The following PCDH19 variants were observed in gnomAD, a reference collection of about 807,000 sequenced individuals.
The protein encoded by PCDH19 is protocadherin 19.
In PCDH19, 6 loss-of-function variants were observed where a neutral mutation model predicts 46.2. That is an observed-to-expected ratio of 0.13 (90% confidence interval 0.07 to 0.26). The LOEUF is 0.26. Among genes scored for constraint, PCDH19 ranks in the 10% least tolerant of loss-of-function variants. The probability of loss-of-function intolerance (pLI) is 1.00; values close to 1 mark genes in which losing one functional copy is unlikely to be tolerated. For missense variants in PCDH19, 740 were observed against 972.3 expected, an observed-to-expected ratio of 0.76 and a Z score of 3.18; for synonymous variants, 481 against 415.7, an observed-to-expected ratio of 1.16 and a Z score of -1.91.
At chrX:100,322,832 A>AGTGTAT (rs1307266427) in intron 5 of PCDH19, among the ~76,000 whole-genome samples, 1 of 30,128 alleles carries the variant, frequency 3.3e-5, no homozygotes, top group Non-Finnish European at 4.9e-5. Context: ...TATATTCCTA[A>AGTGTAT]GTATATATAT....
At chrX:100,405,669 T>C (rs1359777046) in intron 1 of PCDH19, among the ~76,000 whole-genome samples, 2 of 105,463 alleles carry the variant, frequency 1.9e-5, no homozygotes, top group African/African-American at 7.0e-5. Context: ...CAGATCTTAA[T>C]GCCACAACAC....
At chrX:100,297,070 T>G (rs926377441) in intron 5 of PCDH19, among the ~76,000 whole-genome samples, 195 bp from the exon 6 acceptor site, 1 of 110,879 alleles carries the variant, frequency 9.0e-6, no homozygotes, top group Admixed American at 9.6e-5. Flanking sequence ...TCTATGTATA[T>G]CCTTTTTAAG....
In PCDH19 at chrX:100,406,880, G is replaced by C. The variant is rs1475073138; in HGVS notation, c.1718C>G (p.Ala573Gly). The C allele has an allele frequency of 1.7e-6, 2 of 1,210,022 alleles. No homozygotes were observed. Among genetic ancestry groups the C allele is most frequent in the African/African-American group, 1.7e-5 (1 of 57,154 alleles). ...ITAPPLINGT[A>G]EVYIPRNSGI... ...AGAGTTGCGGGGTATGTAGACCTCG[G>C]CAGTGCCGTTAATCAGAGGTGGGGC... is the stretch of plus-strand genomic sequence containing the variant. Residue 573 changes from alanine (A) to glycine (G), a missense_variant, in exon 1 of 6, where the codon GCC (alanine) becomes GGC (glycine). Ala to Gly is a moderately conservative substitution (Grantham distance 60). Transcript: ENST00000373034.
Position 100,402,754 on chromosome X carries a change from TCTC to T in PCDH19, c.2383_2385del (p.Glu795del), listed in dbSNP as rs755231220. The T allele has an allele frequency of 6.6e-6, 8 of 1,209,048 alleles. No individual in the cohort carries two copies. In the South Asian group the frequency reaches 1.4e-4, roughly 21 times the overall value. ...CAACTGACAACGTTCATCTTGTCTG[TCTC>T]CTCCACATCCCGGGGTACCAGGCGG... On this transcript the variant is annotated inframe_deletion, in exon 3 of 6. Transcript: ENST00000373034.
intron 3 of PCDH19, among the ~76,000 whole-genome samples, chrX:100,373,180 T>C (rs1927276178): frequency 8.9e-6 from 1 of 112,593 alleles, no homozygotes; most frequent in Non-Finnish European, 1.9e-5. Flanking sequence ...AGCTAATTTT[T>C]GTATTTTTAG....
intron 5 of PCDH19, among the ~76,000 whole-genome samples, chrX:100,310,063 A>C (rs1298811076): frequency 8.9e-6 from 1 of 112,290 alleles, no homozygotes; most frequent in East Asian, 2.8e-4. Context: ...AAATAGATTA[A>C]AAAGATGCCC....
In PCDH19 at chrX:100,294,311, GCCACAC is replaced by G. The variant is rs910786329; in HGVS notation, c.*1960_*1965del. The G allele has an allele frequency of 4.5e-5, 5 of 111,642 alleles. No individual in the cohort carries two copies. The highest frequency in any genetic ancestry group is 1.6e-4 in the African/African-American group (5 of 30,670). 9.2% of individuals were successfully genotyped at this position (111,642 alleles called of 1,213,427 possible). On this transcript the variant is annotated 3_prime_UTR_variant, in exon 6 of 6. Transcript: ENST00000373034. ...TGTCAGCTTCAGAGGGAAATTTGCAGCCACACCAATATTTTGCATGAGGTAGTATTC... is the reference window on the plus strand; with the variant it reads ...TGTCAGCTTCAGAGGGAAATTTGCAGCAATATTTTGCATGAGGTAGTATTC...
rs1313459747 is a variant in PCDH19, at chrX:100,292,685, C to T, written c.*3592G>A. ...TAAAGAACAACATCTCAATACACTT[C>T]AGTGTCAGCAGATACAATTTGACTC... is the stretch of plus-strand genomic sequence containing the variant. On this transcript the variant is annotated 3_prime_UTR_variant, in exon 6 of 6. Coordinates refer to ENST00000373034, the MANE Select transcript of PCDH19 (RefSeq NM_001184880.2). 1 of 112,027 alleles carries T rather than the reference C, an allele frequency of 8.9e-6. No homozygotes were observed. Among genetic ancestry groups the T allele is most frequent in the Non-Finnish European group, 1.9e-5 (1 of 53,185 alleles). The allele number at this position is 112,027 out of a possible 1,213,427, so 9.2% of individuals were successfully genotyped here.
rs188856854 is a variant in PCDH19 at position 100,299,937 on chromosome X, T to C, written c.2849-3062A>G. ...GGCTTGGATCTGATACCTATATTTT[T>C]TTTAAGTCCTTACCAAGGGCACTGA... On this transcript the variant is annotated intron_variant, in intron 5 of 5. Coordinates refer to ENST00000373034, the MANE Select transcript of PCDH19 (RefSeq NM_001184880.2). Among the ~76,000 whole-genome samples, 35 of 112,677 alleles carry C rather than the reference T, an allele frequency of 3.1e-4. 2 individuals are homozygous for C. The East Asian group carries it at 8.1e-3, about 26-fold the overall frequency.
Position 100,371,682 on chromosome X carries a change from TTTATTTTGTTTA to T in PCDH19, c.2617-20990_2617-20979del, listed in dbSNP as rs1417863477. Among the ~76,000 whole-genome samples the T allele has an allele frequency of 3.6e-5, 4 of 111,207 alleles. 1 individual carries two copies. Among genetic ancestry groups the T allele is most frequent in the African/African-American group, 1.3e-4 (4 of 30,529 alleles). On this transcript the variant is annotated intron_variant, in intron 3 of 5. Coordinates refer to ENST00000373034, the MANE Select transcript of PCDH19 (RefSeq NM_001184880.2). ...TCTAAAATACCATACATTTCACATATTTATTTTGTTTATTATCTCTCTTCCCCTGCTAGAATG... is the reference window on the plus strand; with the variant it reads ...TCTAAAATACCATACATTTCACATATTTATCTCTCTTCCCCTGCTAGAATG...
intron 5 of PCDH19, 75 bp downstream of exon 5, chrX:100,341,828 G>C (rs1926256688): frequency 2.2e-6 from 2 of 919,592 alleles, no homozygotes; most frequent in Non-Finnish European, 3.2e-6. Context: ...ATTAAGCAAA[G>C]TAGTATAGTG....
chrX:100,363,671 AAT>A (rs1392349394), intron 3 of PCDH19, among the ~76,000 whole-genome samples: 1 of 99,615 alleles, frequency 1.0e-5, no homozygotes, highest in East Asian at 3.0e-4. Flanking sequence ...GTACATGATA[AAT>A]ATATATAAAA....
chrX:100,330,399 T>C (rs770608446), intron 5 of PCDH19, among the ~76,000 whole-genome samples: 1 of 112,115 alleles, frequency 8.9e-6, no homozygotes, highest in Non-Finnish European at 1.9e-5. Flanking sequence ...AGAGAATATA[T>C]GAGCTTAGAG....
intron 5 of PCDH19, among the ~76,000 whole-genome samples, chrX:100,332,978 G>A (rs952868170): frequency 3.8e-5 from 4 of 105,937 alleles, no homozygotes; most frequent in Non-Finnish European, 7.7e-5. Flanking sequence ...GTCCAGCCTG[G>A]GTGACAGAGT....
Position 100,408,625 on chromosome X carries a change from C to T in PCDH19, c.-28G>A, listed in dbSNP as rs1370516528. 2 of 1,078,133 alleles carry T rather than the reference C, an allele frequency of 1.9e-6. No individual in the cohort carries two copies. Among genetic ancestry groups the T allele is most frequent in the Non-Finnish European group, 2.5e-6 (2 of 802,429 alleles). The allele number at this position is 1,078,133 out of a possible 1,213,427, so 88.9% of individuals were successfully genotyped here. Reference sequence around the variant, plus strand: ...CTGCACGGGGCTCTGCCTGGCCTCGCCTCTCCACACCCCTCCGAGACCGAC... The same window carrying T: ...CTGCACGGGGCTCTGCCTGGCCTCGTCTCTCCACACCCCTCCGAGACCGAC... On this transcript the variant is annotated 5_prime_UTR_variant, in exon 1 of 6. Coordinates refer to ENST00000373034, the MANE Select transcript of PCDH19 (RefSeq NM_001184880.2).
chrX:100,317,804 G>A (rs1332507657), intron 5 of PCDH19, among the ~76,000 whole-genome samples: 1 of 111,246 alleles, frequency 9.0e-6, no homozygotes, highest in African/African-American at 3.3e-5. Flanking sequence ...CAGCTCTGAA[G>A]GTAGAGAAAA....
intron 3 of PCDH19, among the ~76,000 whole-genome samples, chrX:100,379,349 A>G (rs928276739): frequency 7.2e-4 from 66 of 91,920 alleles, no homozygotes; most frequent in African/African-American, 2.4e-3. Flanking sequence ...ACACACACAC[A>G]TTTCCTCCCA....
chrX:100,316,669 A>G (rs1925316790), intron 5 of PCDH19, among the ~76,000 whole-genome samples: 1 of 112,415 alleles, frequency 8.9e-6, no homozygotes, highest in Non-Finnish European at 1.9e-5. Flanking sequence ...TGGATGATCC[A>G]TAATATTTGT....
At chrX:100,302,019 G>T (rs962023008) in intron 5 of PCDH19, among the ~76,000 whole-genome samples, 1 of 111,563 alleles carries the variant, frequency 9.0e-6, no homozygotes. Context: ...TTAGGTAAGA[G>T]ACTATTTTGT....
Sources: allele counts gnomAD v4.1 joint callset (sites outside exome capture counted in the v4.1 genomes callset), GRCh38; gene constraint gnomAD v4.1.1; transcripts MANE v1.5; gene names NCBI Gene and HGNC (gene_info 2026-07-23, HGNC 2026-07-21).